PPARGC1B: variants seen among roughly 807,000 people sequenced by gnomAD.
PPARGC1B encodes the protein PPARG coactivator 1 beta.
A neutral mutation model predicts 101.6 loss-of-function variants in PPARGC1B; 34 were observed. The ratio of observed to expected loss-of-function variants is 0.33; its 90% confidence interval spans 0.25 to 0.45. The LOEUF is 0.45. PPARGC1B is among the 20% of genes least tolerant of loss of function. The probability of loss-of-function intolerance (pLI) is 1.00; values close to 1 mark genes in which losing one functional copy is unlikely to be tolerated. For missense variants in PPARGC1B, 1,234 were observed against 1,317.6 expected (o/e 0.94, Z 0.98); for synonymous variants, 548 against 539.3 (o/e 1.02, Z -0.22).
chr5:149,842,984 A>G (rs1369792384), intron 10 of PPARGC1B, among the ~76,000 whole-genome samples: 1 of 152,194 alleles, frequency 6.6e-6, no homozygotes, highest in Non-Finnish European at 1.5e-5. Flanking sequence ...CCTGGCCAAC[A>G]TGGTGAAACC....
intron 4 of PPARGC1B, among the ~76,000 whole-genome samples, 199 bp downstream of exon 4, chr5:149,831,082 C>G (rs149637791): frequency 8.1e-4 from 123 of 152,324 alleles, no homozygotes; most frequent in Middle Eastern, 6.8e-3. Flanking sequence ...CCTGGACTTT[C>G]TCACACTTTA....
intron 1 of PPARGC1B, among the ~76,000 whole-genome samples, chr5:149,772,580 G>A (rs1037084120): frequency 5.9e-5 from 9 of 152,142 alleles, no homozygotes; most frequent in Non-Finnish European, 1.0e-4. Context: ...TTGTAGATGG[G>A]CATCTTTCCC....
At chr5:149,824,305 TC>T (rs920668260) in intron 2 of PPARGC1B, among the ~76,000 whole-genome samples, 1 of 152,208 alleles carries the variant, frequency 6.6e-6, no homozygotes, top group Non-Finnish European at 1.5e-5. Context: ...CTGAATGACT[TC>T]CCTCTAGAAT....
chr5:149,846,182 T>C, intron 11 of PPARGC1B: 1 of 581,888 alleles, frequency 1.7e-6, no homozygotes, highest in East Asian at 2.8e-5. Flanking sequence ...TTCAGTCATG[T>C]GCACAGCCAG....
chr5:149,780,863 G>A (rs1756570691), intron 1 of PPARGC1B, among the ~76,000 whole-genome samples: 1 of 152,210 alleles, frequency 6.6e-6, no homozygotes, highest in African/African-American at 2.4e-5. Context: ...GAGAGGCGTG[G>A]CACTGGTAAG....
At chr5:149,822,328 G>A (rs780638819) in intron 2 of PPARGC1B, among the ~76,000 whole-genome samples, 6 of 152,096 alleles carry the variant, frequency 3.9e-5, no homozygotes, top group Admixed American at 6.6e-5. Flanking sequence ...AGCTTGGTGC[G>A]GCCCCAGTCC....
In PPARGC1B at chr5:149,784,560, C is replaced by CTTTTTTTTTTTTTTT. The variant is rs72364863; in HGVS notation, c.79-35864_79-35850dup. Among the ~76,000 whole-genome samples the CTTTTTTTTTTTTTTT allele has an allele frequency of 3.7e-3, 278 of 75,700 alleles. 29 individuals are homozygous for CTTTTTTTTTTTTTTT. The highest frequency in any genetic ancestry group is 9.6e-3 in the Admixed American group (48 of 4,980). 49.7% of individuals were successfully genotyped at this position (75,700 alleles called of 152,430 possible). Reference sequence around the variant, plus strand: ...AGCCTCACTCCAGCCAACTGAGTTTCTTTTTTTTTTTTTTTTTTTTTTTCT... The same window carrying CTTTTTTTTTTTTTTT: ...AGCCTCACTCCAGCCAACTGAGTTTCTTTTTTTTTTTTTTTTTTTTTTTTTTTTTTTTTTTTTTCT... On this transcript the variant is annotated intron_variant, in intron 1 of 11. Coordinates refer to ENST00000309241, the MANE Select transcript of PPARGC1B (RefSeq NM_133263.4).
rs577543040 is a variant in PPARGC1B at position 149,740,798 on chromosome 5, C to T, written c.78+10378C>T. ...GATAGCTGCAGATAATTAAGGCTTG[C>T]AGCTTCACCTGACATATAGTAAGCG... is the stretch of plus-strand genomic sequence containing the variant. On this transcript the variant is annotated intron_variant, in intron 1 of 11. Transcript: ENST00000309241. Among the ~76,000 whole-genome samples the T allele has an allele frequency of 4.5e-4, 68 of 152,308 alleles. No individual in the cohort carries two copies. In the South Asian group the frequency reaches 0.014, roughly 32 times the overall value.
At position 149,737,731 on chromosome 5, in the gene PPARGC1B, C is replaced by T. The variant is rs578152393; in HGVS notation, c.78+7311C>T. Among the ~76,000 whole-genome samples the T allele has an allele frequency of 4.6e-5, 7 of 152,338 alleles. No individual in the cohort carries two copies. In the East Asian group the frequency reaches 7.7e-4, roughly 17 times the overall value. ...TGAAGAGGCCGGGCACAGTGGCTTA[C>T]GCCTGTAATCCCAGCGCTTTGGGAG... On this transcript the variant is annotated intron_variant, in intron 1 of 11. Transcript: ENST00000309241.
At chr5:149,839,484 C>T (rs1397610732) in intron 8 of PPARGC1B, among the ~76,000 whole-genome samples, 1 of 152,168 alleles carries the variant, frequency 6.6e-6, no homozygotes, top group African/African-American at 2.4e-5. Context: ...GACTAATGAG[C>T]CTGATAGCTA....
rs1010277536 is a variant in PPARGC1B at position 149,852,562 on chromosome 5, G to T, written c.*5004G>T. ...TAAGCCATAGTTTCTAGTGGGGACAGTAAGGAATTAAACCCCCAACTTGGC... is the reference window on the plus strand; with the variant it reads ...TAAGCCATAGTTTCTAGTGGGGACATTAAGGAATTAAACCCCCAACTTGGC... On this transcript the variant is annotated 3_prime_UTR_variant, in exon 12 of 12. Transcript: ENST00000309241. The T allele has an allele frequency of 2.6e-5, 4 of 152,166 alleles. No individual in the cohort carries two copies. The highest frequency in any genetic ancestry group is 2.6e-4 in the Admixed American group (4 of 15,282). The allele number at this position is 152,166 out of a possible 1,614,324, so 9.4% of individuals were successfully genotyped here.
chr5:149,810,162 G>A (rs1757799090), intron 1 of PPARGC1B, among the ~76,000 whole-genome samples: 2 of 152,198 alleles, frequency 1.3e-5, no homozygotes, highest in Non-Finnish European at 2.9e-5. Flanking sequence ...TTTAGCAAGT[G>A]CTTTCCTGCC....
At chr5:149,732,506 T>C (rs1434854697) in intron 1 of PPARGC1B, among the ~76,000 whole-genome samples, 1 of 152,238 alleles carries the variant, frequency 6.6e-6, no homozygotes, top group Non-Finnish European at 1.5e-5. Context: ...AGCAGAAATA[T>C]TTCAACTAAG....
chr5:149,834,826 C>T (rs944038300), intron 6 of PPARGC1B, 116 bp downstream of exon 6: 61 of 891,380 alleles, frequency 6.8e-5, no homozygotes, highest in Non-Finnish European at 8.6e-5. Flanking sequence ...GCCCCACACC[C>T]TGTGCCCTGA....
At chr5:149,778,084 CACACACACACACACACACACACACACAG>C (rs1185951249) in intron 1 of PPARGC1B, among the ~76,000 whole-genome samples, 2 of 128,984 alleles carry the variant, frequency 1.6e-5, no homozygotes, top group East Asian at 4.8e-4. Flanking sequence ...CACACACACA[CACACACACACACACACACACACACACAG>C]AGTACCCAGC....
At chr5:149,838,683 G>A (rs1293947103) in intron 8 of PPARGC1B, among the ~76,000 whole-genome samples, 1 of 152,180 alleles carries the variant, frequency 6.6e-6, no homozygotes, top group Non-Finnish European at 1.5e-5. Context: ...AACTTCTCTA[G>A]AAACCCCCAT....
In PPARGC1B at chr5:149,775,282, T is replaced by C. The variant is rs562063164; in HGVS notation, c.78+44862T>C. On this transcript the variant is annotated intron_variant, in intron 1 of 11. Transcript: ENST00000309241. ...GGCATAGTGGTAATAGGAGGTGATATGGAGCCTAGGTTCTTGTCCCCACTA... is the reference window on the plus strand; with the variant it reads ...GGCATAGTGGTAATAGGAGGTGATACGGAGCCTAGGTTCTTGTCCCCACTA... Among the ~76,000 whole-genome samples the C allele has an allele frequency of 7.2e-5, 11 of 152,326 alleles. No individual in the cohort carries two copies. In the East Asian group the frequency reaches 2.1e-3, roughly 29 times the overall value.
chr5:149,843,238 C>T (rs915232763), intron 10 of PPARGC1B, among the ~76,000 whole-genome samples: 4 of 152,138 alleles, frequency 2.6e-5, no homozygotes, highest in African/African-American at 9.7e-5. Flanking sequence ...CAGTGTTTTA[C>T]CTATCAGGGG....
At chr5:149,761,466 C>T (rs778863605) in intron 1 of PPARGC1B, 2 of 152,006 alleles carry the variant, frequency 1.3e-5, no homozygotes, top group Non-Finnish European at 2.9e-5. Flanking sequence ...TGTGCTTTTC[C>T]CACTTCTGGG....
Sources: gnomAD v4.1 joint callset for allele counts (sites outside exome capture counted in the v4.1 genomes callset) on GRCh38, gnomAD v4.1.1 for gene constraint, MANE v1.5 for transcripts, NCBI Gene and HGNC (gene_info 2026-07-23, HGNC 2026-07-21) for gene names.